The following DNAH8 variants were observed in gnomAD, a reference collection of about 807,000 sequenced individuals.
DNAH8 encodes the protein axonemal beta dynein heavy chain 8.
DNAH8 carries 382 observed loss-of-function variants against 562.1 expected under a neutral mutation model. The observed-to-expected ratio is 0.68, with a 90% CI of 0.63 to 0.74. DNAH8 has a LOEUF of 0.74. DNAH8 is among the 30% of genes least tolerant of loss of function. DNAH8 has a pLI of 0.00. For missense variants in DNAH8, 5,203 were observed against 5,620.4 expected (o/e 0.93, Z 2.37); for synonymous variants, 1,881 against 1,919.4 (o/e 0.98, Z 0.52).
chr6:38,937,909 G>C, intron 77 of DNAH8, 65 bp from the exon 78 acceptor site: 2 of 1,496,348 alleles, frequency 1.3e-6, no homozygotes, highest in Non-Finnish European at 1.8e-6. Context: ...TTTTTCAGAA[G>C]AGATGTATCT....
chr6:38,937,943 T>G lies in DNAH8; in HGVS notation c.11564-31T>G. 1.9e-6 allele frequency: 3 copies of G among 1,609,612 alleles called. No individual in the cohort carries two copies. In the South Asian group the frequency reaches 3.3e-5, roughly 18 times the overall value. On this transcript the variant is annotated intron_variant, in intron 77 of 92. Transcript: ENST00000327475. The stretch of plus-strand genomic sequence containing the variant: ...CTTGCTTTGCAAGTTTCCCGTCTTG[T>G]GTACTACGGTTTTCCTGTTTTGAAT...
intron 85 of DNAH8, among the ~76,000 whole-genome samples, chr6:38,981,062 T>TGTG (rs3047924): frequency 1.4e-5 from 2 of 145,492 alleles, no homozygotes; most frequent in Admixed American, 6.9e-5. Context: ...TGTGTGTGTG[T>TGTG]TGAGTTGGGG....
chr6:38,877,552 C>A (rs79039423), intron 53 of DNAH8, among the ~76,000 whole-genome samples: 2 of 152,082 alleles, frequency 1.3e-5, no homozygotes, highest in Non-Finnish European at 2.9e-5. Context: ...CTACTTTTGA[C>A]GAAATTTATT....
rs1354929477 is a variant in DNAH8 at position 38,845,643 on chromosome 6, A to G, written c.4915A>G (p.Thr1639Ala). The G allele has an allele frequency of 1.2e-6, 2 of 1,613,972 alleles. No individual in the cohort carries two copies. The highest frequency in any genetic ancestry group is 8.5e-7 in the Non-Finnish European group (1 of 1,179,880). The change falls in exon 36 of 93, where the codon ACC becomes GCC. Residue 1639 changes from threonine to alanine, a missense_variant. Transcript: ENST00000327475. ...AKLTQVIENW[T>A]NQNLSFAAFK... ...GCTGACTCAGGTGATTGAGAATTGG[A>G]CCAACCAAAATCTGAGTTTTGCAGC...
chr6:38,963,004 T>C (rs1762712650), intron 82 of DNAH8, among the ~76,000 whole-genome samples: 1 of 152,078 alleles, frequency 6.6e-6, no homozygotes, highest in South Asian at 2.1e-4. Flanking sequence ...AGGGATAAAA[T>C]ACTACTTATT....
chr6:38,898,192 CA>C (rs1779827918), intron 60 of DNAH8, 65 bp from the exon 61 acceptor site: 1 of 1,390,740 alleles, frequency 7.2e-7, no homozygotes, highest in African/African-American at 1.5e-5. Flanking sequence ...AGTGTCTTTA[CA>C]ATTGCTACTT....
intron 91 of DNAH8, among the ~76,000 whole-genome samples, chr6:39,021,777 AC>A (rs1344146460): frequency 6.6e-6 from 1 of 152,242 alleles, no homozygotes; most frequent in African/African-American, 2.4e-5. Context: ...TTGCATAAGG[AC>A]CAGTTCATTT....
At chr6:38,984,456 ACACG>A in intron 87 of DNAH8, 149 bp downstream of exon 87, 1 of 613,206 alleles carries the variant, frequency 1.6e-6, no homozygotes. Context: ...GCGCTTACAC[ACACG>A]CACACACATG....
intron 70 of DNAH8, among the ~76,000 whole-genome samples, chr6:38,919,463 G>A (rs974847170): frequency 2.6e-5 from 4 of 151,940 alleles, no homozygotes; most frequent in African/African-American, 7.3e-5. Flanking sequence ...TTTGCACTGG[G>A]CCCTGTAAAT....
chr6:38,812,812 G>T (rs1050561609), intron 24 of DNAH8, among the ~76,000 whole-genome samples: 4 of 152,044 alleles, frequency 2.6e-5, no homozygotes, highest in African/African-American at 4.8e-5. Flanking sequence ...GTATTCACGT[G>T]CCGTATCTAG....
Position 38,894,880 on chromosome 6 carries a change from C to G in DNAH8, c.8747+16C>G, listed in dbSNP as rs530229275. ...TTGCAGACAGGTGCGTGTTGCGGCA[C>G]TAGAGTTTAAATGTATGACCTGAGA... On this transcript the variant is annotated intron_variant, in intron 59 of 92. Transcript: ENST00000327475. 1.2e-6 allele frequency: 2 copies of G among 1,606,956 alleles called. No homozygotes were observed. Among genetic ancestry groups the G allele is most frequent in the African/African-American group, 1.3e-5 (1 of 74,736 alleles).
At chr6:38,834,795 CCT>C (rs977313145) in intron 32 of DNAH8, among the ~76,000 whole-genome samples, 154 bp downstream of exon 32, 4 of 152,108 alleles carry the variant, frequency 2.6e-5, no homozygotes, top group African/African-American at 9.7e-5. Flanking sequence ...GCAATTGACT[CCT>C]CTGTCTCCCT....
At chr6:38,940,144 C>T (rs150836809) in intron 79 of DNAH8, among the ~76,000 whole-genome samples, 3 of 152,060 alleles carry the variant, frequency 2.0e-5, no homozygotes, top group Non-Finnish European at 4.4e-5. Context: ...ACTTGGCACA[C>T]GTGTAAGGAT....
chr6:38,912,767 G>A (rs1210623397), intron 66 of DNAH8, among the ~76,000 whole-genome samples: 1 of 151,770 alleles, frequency 6.6e-6, no homozygotes, highest in East Asian at 1.9e-4. Context: ...TTAAAATAAA[G>A]GCAATAAATG....
chr6:39,012,316 T>C lies in DNAH8; in HGVS notation c.13473T>C (p.Ser4491=), dbSNP rs772278022. The C allele has an allele frequency of 5.6e-5, 90 of 1,613,418 alleles. No homozygotes were observed. The highest frequency in any genetic ancestry group is 3.1e-4 in the South Asian group (28 of 91,014). Residue 4491 remains serine (S), a synonymous_variant, in exon 90 of 93, where the codon AGT becomes AGC. Transcript: ENST00000327475. ...AAAGAGTCATTTCAATACTCCGCAG[T>C]AGCCTGAGTGATCTAAAATTGGCCA... ...RMQRVISILR[S]SLSDLKLAIE...
At chr6:38,803,057 A>C in intron 21 of DNAH8, 122 bp from the exon 22 acceptor site, 1 of 670,518 alleles carries the variant, frequency 1.5e-6, no homozygotes, top group East Asian at 3.1e-5. Flanking sequence ...ATTTTCAGCT[A>C]TCTCTAGCTT....
intron 26 of DNAH8, among the ~76,000 whole-genome samples, chr6:38,818,991 C>T (rs912154498): frequency 8.5e-5 from 13 of 152,162 alleles, no homozygotes; most frequent in Admixed American, 6.5e-4. Context: ...ACATTTATTA[C>T]TCGGCTCACA....
intron 88 of DNAH8, among the ~76,000 whole-genome samples, chr6:38,992,220 G>T (rs997195512): frequency 4.6e-5 from 7 of 152,064 alleles, no homozygotes; most frequent in African/African-American, 1.7e-4. Flanking sequence ...CGCCCACCTC[G>T]GCCTCCCAAA....
At chr6:38,925,556 A>G (rs1782052710) in intron 73 of DNAH8, among the ~76,000 whole-genome samples, 1 of 152,002 alleles carries the variant, frequency 6.6e-6, no homozygotes, top group Non-Finnish European at 1.5e-5. Context: ...TGGAGAAGGA[A>G]ATATTCACAA....
Sources: gnomAD v4.1 joint callset for allele counts (sites outside exome capture counted in the v4.1 genomes callset) on GRCh38, gnomAD v4.1.1 for gene constraint, MANE v1.5 for transcripts, NCBI Gene and HGNC (gene_info 2026-07-23, HGNC 2026-07-21) for gene names.